The following OSBPL5 variants were observed in gnomAD, a reference collection of about 807,000 sequenced individuals.
OSBPL5 encodes the protein oxysterol binding protein like 5.
OSBPL5 carries 71 observed loss-of-function variants against 111.2 expected under a neutral mutation model. The ratio of observed to expected loss-of-function variants is 0.64; its 90% CI spans 0.53 to 0.78. The LOEUF (loss-of-function observed/expected upper bound fraction) is 0.78, where lower values mean the gene tolerates loss of function less well. Ranked by LOEUF, OSBPL5 falls within the 30% of genes least tolerant of loss-of-function variation. The probability of loss-of-function intolerance (pLI) is 0.00; values close to 1 mark genes in which losing one functional copy is unlikely to be tolerated. For synonymous variants in OSBPL5, 549 were observed against 513.9 expected, an observed-to-expected ratio of 1.07 and a Z score of -0.93; for missense variants, 1,210 against 1,189.3, an observed-to-expected ratio of 1.02 and a Z score of -0.26.
chr11:3,145,430 G>A (rs1319096418), intron 1 of OSBPL5, among the ~76,000 whole-genome samples: 23 of 152,086 alleles, frequency 1.5e-4, no homozygotes, highest in Admixed American at 1.4e-3. Context: ...CCCTCCTCCC[G>A]GGCCAGCACT....
At chr11:3,111,251 T>G (rs1857915896) in intron 7 of OSBPL5, among the ~76,000 whole-genome samples, 1 of 151,986 alleles carries the variant, frequency 6.6e-6, no homozygotes, top group Non-Finnish European at 1.5e-5. Flanking sequence ...TTTTACTTGC[T>G]TCCGATACAA....
chr11:3,096,227 T>G (rs942511088), intron 14 of OSBPL5, among the ~76,000 whole-genome samples: 5 of 152,204 alleles, frequency 3.3e-5, no homozygotes, highest in African/African-American at 1.2e-4. Context: ...CACAGGCACG[T>G]GGCAGCTGGG....
intron 1 of OSBPL5, among the ~76,000 whole-genome samples, chr11:3,147,584 G>A (rs1309091888): frequency 2.6e-5 from 4 of 152,230 alleles, no homozygotes; most frequent in East Asian, 1.9e-4. Flanking sequence ...AACTCGAATC[G>A]AGGCGCCAAG....
intron 7 of OSBPL5, among the ~76,000 whole-genome samples, chr11:3,111,264 A>C (rs1012210778): frequency 7.2e-5 from 11 of 151,884 alleles, no homozygotes; most frequent in Non-Finnish European, 1.5e-4. Flanking sequence ...CGATACAAGG[A>C]AGGCAAGTTT....
At chr11:3,111,333 C>T (rs1431524080) in intron 7 of OSBPL5, among the ~76,000 whole-genome samples, 2 of 152,104 alleles carry the variant, frequency 1.3e-5, no homozygotes, top group Admixed American at 6.6e-5. Flanking sequence ...GAGCTTGCTT[C>T]CAACAGGGAA....
At position 3,107,305 on chromosome 11, in the gene OSBPL5, T is replaced by A; in HGVS notation, c.1017A>T (p.Arg339Ser). 5.6e-6 allele frequency: 9 copies of A among 1,613,428 alleles called. No individual in the cohort carries two copies. The highest frequency in any genetic ancestry group is 7.6e-6 in the Non-Finnish European group (9 of 1,179,892). The stretch of plus-strand genomic sequence containing the variant: ...GGACCTGCTCCACATAGGTGGTCCC[T>A]CTCCGCACCGGGGCCCCAGGGGTCT... Reference protein sequence around the residue: ...QSETPGAPVRRGTTYVEQVQE... With the variant: ...QSETPGAPVRSGTTYVEQVQE... Residue 339 changes from arginine (R) to serine (S), a missense_variant, in exon 9 of 22, where the codon AGA becomes AGT. Physicochemically the swap from Arg to Ser is moderately radical, Grantham distance 110. Coordinates refer to ENST00000263650, the MANE Select transcript of OSBPL5 (RefSeq NM_020896.4). The surrounding 1 kb of genome is among the most constrained non-coding windows in gnomAD (Gnocchi z 6.1).
chr11:3,111,326 C>T (rs2100085), intron 7 of OSBPL5, among the ~76,000 whole-genome samples: 60,371 of 151,884 alleles, frequency 0.4, 12,914 homozygotes, highest in African/African-American at 0.54. Flanking sequence ...GGAGTTCGAG[C>T]TTGCTTCCAA....
At chr11:3,123,733 A>G (rs1858503480) in intron 3 of OSBPL5, among the ~76,000 whole-genome samples, 1 of 152,234 alleles carries the variant, frequency 6.6e-6, no homozygotes, top group South Asian at 2.1e-4. Context: ...ACAGAGCTAA[A>G]GCCTTGTCTG....
Position 3,120,636 on chromosome 11 carries a change from A to T in OSBPL5, c.403-12T>A. 6.2e-7 allele frequency: 1 copy of T among 1,610,642 alleles called. No individual in the cohort carries two copies. ...AGGGTGCCGCGGATCTGCAGGGAGG[A>T]TGCTGGCGTCGATGCCCACCCTCTG... On this transcript the variant is annotated splice_polypyrimidine_tract_variant and intron_variant, in intron 5 of 21. Coordinates refer to ENST00000263650, the MANE Select transcript of OSBPL5 (RefSeq NM_020896.4).
At chr11:3,099,225 G>A (rs1050310175) in intron 14 of OSBPL5, among the ~76,000 whole-genome samples, 1 of 152,238 alleles carries the variant, frequency 6.6e-6, no homozygotes, top group East Asian at 1.9e-4. Flanking sequence ...TGAGGAATAT[G>A]TGGCTCCATC....
Position 3,109,510 on chromosome 11 carries a change from C to T in OSBPL5, c.692-1565G>A, listed in dbSNP as rs1437939384. Among the ~76,000 whole-genome samples the T allele has an allele frequency of 1.3e-5, 2 of 152,194 alleles. No homozygotes were observed. Among genetic ancestry groups the T allele is most frequent in the Admixed American group, 1.3e-4 (2 of 15,286 alleles). ...GAGCTCCTGGAGACAGTGAGTTTTT[C>T]TCCCTCACTTTGAGATCCATTAAAT... On this transcript the variant is annotated intron_variant, in intron 7 of 21. Transcript: ENST00000263650. The surrounding 1 kb of genome is among the most constrained non-coding windows in gnomAD (Gnocchi z 7.4).
At chr11:3,098,881 C>T (rs1857367472) in intron 14 of OSBPL5, among the ~76,000 whole-genome samples, 1 of 151,526 alleles carries the variant, frequency 6.6e-6, no homozygotes, top group Non-Finnish European at 1.5e-5. Context: ...GATGGCTCCT[C>T]AAAGCCTCTG....
At position 3,113,041 on chromosome 11, in the gene OSBPL5, G is replaced by A. The variant is rs931009592; in HGVS notation, c.692-5096C>T. On this transcript the variant is annotated intron_variant, in intron 7 of 21. Transcript: ENST00000263650. This position sits in a 1 kb window ranked among gnomAD's most constrained non-coding sequence, Gnocchi z 4.8. Reference sequence around the variant, plus strand: ...TGTATTTATGTGTCGTGTACACAATGTTTCACTACTGAAAATATATAAAAG... The same window carrying A: ...TGTATTTATGTGTCGTGTACACAATATTTCACTACTGAAAATATATAAAAG... Among the ~76,000 whole-genome samples the A allele has an allele frequency of 3.3e-5, 5 of 152,158 alleles. No individual in the cohort carries two copies. The highest frequency in any genetic ancestry group is 7.3e-5 in the Non-Finnish European group (5 of 68,030).
intron 14 of OSBPL5, among the ~76,000 whole-genome samples, chr11:3,098,495 A>AT (rs552382553): frequency 0.057 from 4,648 of 81,188 alleles, 598 homozygotes; most frequent in African/African-American, 0.14. Context: ...ACATGAAGGA[A>AT]TTTTTTTTTT....
intron 14 of OSBPL5, among the ~76,000 whole-genome samples, chr11:3,097,071 A>AC (rs1857292387): frequency 4.4e-5 from 3 of 68,088 alleles, no homozygotes; most frequent in African/African-American, 1.5e-4. Context: ...AAGGGGGAAG[A>AC]TGGAAGGAGG....
chr11:3,107,479 G>A lies in OSBPL5; in HGVS notation c.867-24C>T, dbSNP rs751524004. On this transcript the variant is annotated intron_variant, in intron 8 of 21. Transcript: ENST00000263650. The surrounding 1 kb of genome is among the most constrained non-coding windows in gnomAD (Gnocchi z 6.1). ...GTCTGGAAGGTGGATGGTGCCAGTG[G>A]GTCCCTGTCACAGGTGAGAGCCCAG... 6.2e-7 allele frequency: 1 copy of A among 1,612,310 alleles called. No individual in the cohort carries two copies. Among genetic ancestry groups the A allele is most frequent in the South Asian group, 1.1e-5 (1 of 90,956 alleles).
Position 3,092,654 on chromosome 11 carries a change from G to A in OSBPL5, c.2133-96C>T. ...CTTCAGCCCCCCAACAGTGGCCAGA[G>A]ACCTCCAGGAGAATGACCACTGCCC... On this transcript the variant is annotated intron_variant, in intron 18 of 21. Transcript: ENST00000263650. This position sits in a 1 kb window ranked among gnomAD's most constrained non-coding sequence, Gnocchi z 5.4. 7.0e-7 allele frequency: 1 copy of A among 1,432,404 alleles called. No individual in the cohort carries two copies. Among genetic ancestry groups the A allele is most frequent in the Non-Finnish European group, 9.3e-7 (1 of 1,074,684 alleles). The allele number at this position is 1,432,404 out of a possible 1,614,324, so 88.7% of individuals were successfully genotyped here.
intron 3 of OSBPL5, 43 bp from the exon 4 acceptor site, chr11:3,122,471 G>A (rs776352036): frequency 2.5e-5 from 40 of 1,588,434 alleles, no homozygotes; most frequent in South Asian, 1.2e-4. Flanking sequence ...CACAGGGGCC[G>A]GCCCAGGGCT....
chr11:3,097,392 G>T (rs1184263622), intron 14 of OSBPL5, among the ~76,000 whole-genome samples: 1 of 152,084 alleles, frequency 6.6e-6, no homozygotes, highest in African/African-American at 2.4e-5. Context: ...CTGCGCTCCG[G>T]GGTTAAAAAG....
Sources: allele counts gnomAD v4.1 joint callset (sites outside exome capture counted in the v4.1 genomes callset), GRCh38; gene constraint gnomAD v4.1.1; non-coding constraint Gnocchi (gnomAD v3.1); transcripts MANE v1.5; gene names NCBI Gene and HGNC (gene_info 2026-07-23, HGNC 2026-07-21).